The following UBA2 variants were observed in gnomAD, a reference collection of about 807,000 sequenced individuals.
UBA2 encodes SUMO-activating enzyme subunit 2.
In UBA2, 11 loss-of-function variants were observed where a neutral mutation model predicts 77.2. The observed-to-expected ratio is 0.14, with a 90% CI of 0.09 to 0.24. The LOEUF (loss-of-function observed/expected upper bound fraction) is 0.24, where lower values mean the gene tolerates loss of function less well. Among genes scored for constraint, UBA2 ranks in the 10% least tolerant of loss-of-function variants. The pLI is 1.00. For missense variants in UBA2, 487 were observed against 781.7 expected (o/e 0.62, Z 4.50); for synonymous variants, 278 against 276.7 (o/e 1.00, Z -0.05).
chr19:34,438,802 C>T, intron 6 of UBA2, 36 bp downstream of exon 6: 1 of 1,607,558 alleles, frequency 6.2e-7, no homozygotes, highest in Non-Finnish European at 8.5e-7. Context: ...CTTTTCGGTA[C>T]TGATGATGGA....
At chr19:34,431,987 A>G in intron 3 of UBA2, 56 bp downstream of exon 3, 2 of 1,279,014 alleles carry the variant, frequency 1.6e-6, no homozygotes, top group Admixed American at 2.0e-5. Flanking sequence ...AGCCAAATAT[A>G]TAAGCTCAAA....
chr19:34,429,052 C>T (rs746052345), intron 1 of UBA2: 28 of 985,226 alleles, frequency 2.8e-5, no homozygotes, highest in Non-Finnish European at 3.1e-5. Context: ...ACACACGGAA[C>T]GCGCACCATC....
intron 4 of UBA2, 93 bp from the exon 5 acceptor site, chr19:34,434,775 A>G (rs2075291453): frequency 5.6e-6 from 5 of 898,078 alleles, no homozygotes; most frequent in Non-Finnish European, 8.7e-6. Context: ...CAAAAAATGA[A>G]GCCAGTAAGA....
At chr19:34,431,390 T>TA (rs1422072988) in intron 2 of UBA2, among the ~76,000 whole-genome samples, 1 of 151,788 alleles carries the variant, frequency 6.6e-6, no homozygotes, top group Non-Finnish European at 1.5e-5. Flanking sequence ...GTGCTGGGAT[T>TA]ACAGGCATGA....
At chr19:34,453,293 T>G (rs534798800) in intron 10 of UBA2, among the ~76,000 whole-genome samples, 1 of 152,318 alleles carries the variant, frequency 6.6e-6, no homozygotes, top group Non-Finnish European at 1.5e-5. Context: ...CTCTGAATTT[T>G]AGACCAGGGT....
chr19:34,431,764 G>GT (rs1489925020), intron 2 of UBA2, 97 bp from the exon 3 acceptor site: 2 of 1,021,306 alleles, frequency 2.0e-6, no homozygotes, highest in Non-Finnish European at 3.1e-6. Context: ...TATAAATAAG[G>GT]TACTATGTAA....
intron 15 of UBA2, among the ~76,000 whole-genome samples, chr19:34,466,239 C>CT (rs1422234594): frequency 6.6e-6 from 1 of 151,966 alleles, no homozygotes; most frequent in Non-Finnish European, 1.5e-5. Flanking sequence ...GAGGCTGAGG[C>CT]AGAAGAATAG....
intron 3 of UBA2, chr19:34,432,139 TAATA>T: frequency 2.7e-6 from 1 of 363,638 alleles, no homozygotes; most frequent in Non-Finnish European, 4.9e-6. Flanking sequence ...TTAATACTTT[TAATA>T]AATAAGTTAC....
intron 9 of UBA2, among the ~76,000 whole-genome samples, chr19:34,451,610 C>T (rs1396330720): frequency 7.7e-6 from 1 of 130,498 alleles, no homozygotes; most frequent in Non-Finnish European, 1.5e-5. Flanking sequence ...TGCAGTGGCG[C>T]GATCTTGGCT....
intron 3 of UBA2, 116 bp from the exon 4 acceptor site, chr19:34,433,232 T>C (rs891777664): frequency 2.8e-6 from 2 of 710,730 alleles, no homozygotes; most frequent in African/African-American, 3.5e-5. Context: ...TGACATATAA[T>C]CCTGATATCA....
At chr19:34,463,931 A>G (rs1307330839) in intron 14 of UBA2, 95 bp from the exon 15 acceptor site, 2 of 829,460 alleles carry the variant, frequency 2.4e-6, no homozygotes, top group Non-Finnish European at 4.1e-6. Flanking sequence ...ACGGGACACA[A>G]ATCAGCCCAT....
intron 14 of UBA2, among the ~76,000 whole-genome samples, chr19:34,463,004 G>A (rs144033662): frequency 0.015 from 2,213 of 152,180 alleles, 24 homozygotes; most frequent in South Asian, 0.025. Flanking sequence ...GGCTAAGGCA[G>A]GAGAATCGCC....
chr19:34,446,368 C>A (rs1225211246), intron 8 of UBA2, among the ~76,000 whole-genome samples: 3 of 152,182 alleles, frequency 2.0e-5, no homozygotes, highest in African/African-American at 7.2e-5. Flanking sequence ...TGGAGAGAAT[C>A]CACTTTCGGT....
intron 2 of UBA2, among the ~76,000 whole-genome samples, chr19:34,431,489 T>G (rs1322751255): frequency 6.6e-6 from 1 of 152,056 alleles, no homozygotes; most frequent in Non-Finnish European, 1.5e-5. Flanking sequence ...TTGATTAATG[T>G]CTCTCTTGCT....
rs755274637 is a variant in UBA2 at position 34,428,388 on chromosome 19, G to T, written c.-45G>T. 8.1e-7 allele frequency: 1 copy of T among 1,232,482 alleles called. No homozygotes were observed. The highest frequency in any genetic ancestry group is 1.0e-6 in the Non-Finnish European group (1 of 987,206). 76.3% of individuals were successfully genotyped at this position (1,232,482 alleles called of 1,614,324 possible). A position where few individuals can be genotyped will look rare whatever the true frequency, so the allele number is the denominator to read the frequency against. On this transcript the variant is annotated 5_prime_UTR_variant, in exon 1 of 17. Coordinates refer to ENST00000246548, the MANE Select transcript of UBA2 (RefSeq NM_005499.3). ...CCCCACCCGCTTCCGGCCGCGGCTC[G>T]GTTCTCCCGCCTCCGCCTCCGCCGC...
chr19:34,441,607 T>G (rs1469135259), intron 6 of UBA2, among the ~76,000 whole-genome samples: 1 of 152,108 alleles, frequency 6.6e-6, no homozygotes, highest in Non-Finnish European at 1.5e-5. Context: ...TACATAACAG[T>G]GTCAACTTGA....
At chr19:34,429,271 T>C (rs1599882458) in intron 1 of UBA2, 1 of 984,140 alleles carries the variant, frequency 1.0e-6, no homozygotes, top group Non-Finnish European at 1.2e-6. Context: ...GCCTTTTGCA[T>C]TGGTGTACGT....
chr19:34,442,135 T>C (rs990805253), intron 6 of UBA2, among the ~76,000 whole-genome samples: 3 of 152,216 alleles, frequency 2.0e-5, no homozygotes, highest in African/African-American at 7.2e-5. Flanking sequence ...CTTGGGAGGC[T>C]GAGGTGAGAG....
intron 10 of UBA2, 43 bp from the exon 11 acceptor site, chr19:34,454,217 C>CA (rs1232570558): frequency 6.7e-7 from 1 of 1,493,454 alleles, no homozygotes; most frequent in Non-Finnish European, 9.2e-7. Flanking sequence ...TCAAAATAGT[C>CA]AATTTGTGGA....
Sources: gnomAD v4.1 joint callset for allele counts (sites outside exome capture counted in the v4.1 genomes callset) on GRCh38, gnomAD v4.1.1 for gene constraint, MANE v1.5 for transcripts, NCBI Gene and HGNC (gene_info 2026-07-23, HGNC 2026-07-21) for gene names.